Variants in TANC2 observed in about 807,000 individuals in gnomAD.
TANC2 encodes protein TANC2.
A neutral mutation model predicts 210.5 loss-of-function variants in TANC2; 26 were observed. The ratio of observed to expected loss-of-function variants is 0.12; its 90% CI spans 0.09 to 0.17. TANC2 has a LOEUF of 0.17. TANC2 is among the 10% of genes least tolerant of loss of function. The pLI is 1.00. For synonymous variants in TANC2, 931 were observed against 967.1 expected (o/e 0.96, Z 0.69); for missense variants, 2,129 against 2,608.9 (o/e 0.82, Z 4.01).
chr17:63,105,446 T>C (rs1439502285), intron 4 of TANC2, among the ~76,000 whole-genome samples: 1 of 151,750 alleles, frequency 6.6e-6, no homozygotes, highest in African/African-American at 2.4e-5. Context: ...CATAGTGTTA[T>C]TCTACATAGT....
At chr17:63,142,401 A>G (rs1170753230) in intron 4 of TANC2, among the ~76,000 whole-genome samples, 1 of 152,180 alleles carries the variant, frequency 6.6e-6, no homozygotes, top group Non-Finnish European at 1.5e-5. Flanking sequence ...TGTTATTAAT[A>G]TGCCCTTATA....
At chr17:63,120,398 A>C (rs191805435) in intron 4 of TANC2, among the ~76,000 whole-genome samples, 1 of 152,328 alleles carries the variant, frequency 6.6e-6, no homozygotes, top group African/African-American at 2.4e-5. Context: ...TAAAAATTCA[A>C]GTTGCAGATT....
chr17:63,411,448 A>T, intron 21 of TANC2, 63 bp from the exon 22 acceptor site: 1 of 1,497,114 alleles, frequency 6.7e-7, no homozygotes, highest in Non-Finnish European at 9.0e-7. Flanking sequence ...CCTTCAGCGT[A>T]CTTCCCCTCC....
At chr17:63,037,539 TG>T (rs938121053) in intron 2 of TANC2, among the ~76,000 whole-genome samples, 6 of 152,038 alleles carry the variant, frequency 3.9e-5, no homozygotes, top group African/African-American at 1.2e-4. Flanking sequence ...ATAGGCTGGG[TG>T]CGGTGGCTCA....
At chr17:63,210,133 T>G (rs2041839802) in intron 7 of TANC2, among the ~76,000 whole-genome samples, 1 of 152,236 alleles carries the variant, frequency 6.6e-6, no homozygotes, top group East Asian at 1.9e-4. Flanking sequence ...AAGGATTATG[T>G]TAGCCTTATA....
At chr17:63,391,209 T>C (rs2047962515) in intron 17 of TANC2, 1 of 152,190 alleles carries the variant, frequency 6.6e-6, no homozygotes, top group African/African-American at 2.4e-5. Flanking sequence ...TCCTCTCCCT[T>C]GCTAACCAGA....
intron 14 of TANC2, among the ~76,000 whole-genome samples, chr17:63,369,235 A>C (rs1355171221): frequency 6.6e-6 from 1 of 152,170 alleles, no homozygotes; most frequent in East Asian, 1.9e-4. Context: ...TTTTGCAAAC[A>C]CAAAGACCCC....
At chr17:63,354,145 G>A (rs1053584136) in intron 13 of TANC2, among the ~76,000 whole-genome samples, 9 of 152,064 alleles carry the variant, frequency 5.9e-5, no homozygotes, top group African/African-American at 2.2e-4. Flanking sequence ...AGAAAGGATG[G>A]AATCCAGTGC....
At chr17:63,044,441 T>A (rs973113680) in intron 2 of TANC2, among the ~76,000 whole-genome samples, 1 of 152,120 alleles carries the variant, frequency 6.6e-6, no homozygotes, top group African/African-American at 2.4e-5. Context: ...TTGTACAGTA[T>A]GTTTCTTTTA....
At chr17:63,212,899 T>A (rs1306360355) in intron 7 of TANC2, among the ~76,000 whole-genome samples, 1 of 152,264 alleles carries the variant, frequency 6.6e-6, no homozygotes, top group Non-Finnish European at 1.5e-5. Context: ...TTTCAACAAA[T>A]CTGTCAGCAT....
In TANC2 at chr17:63,337,426, T is replaced by C. The variant is rs560719418; in HGVS notation, c.1576-2675T>C. On this transcript the variant is annotated intron_variant, in intron 11 of 27. Transcript: ENST00000689528. Reference sequence around the variant, plus strand: ...CTTGTACCAAAAATCTTGAACTCTATTAATTCTAATAGCTTGTTTTTCTCT... The same window carrying C: ...CTTGTACCAAAAATCTTGAACTCTACTAATTCTAATAGCTTGTTTTTCTCT... Among the ~76,000 whole-genome samples the C allele has an allele frequency of 3.0e-4, 45 of 152,042 alleles. No homozygotes were observed. In the South Asian group the frequency reaches 9.3e-3, roughly 31 times the overall value.
chr17:63,022,853 A>T (rs1402265388), intron 2 of TANC2, among the ~76,000 whole-genome samples: 2 of 152,160 alleles, frequency 1.3e-5, no homozygotes, highest in African/African-American at 4.8e-5. Flanking sequence ...TCACCTCTCC[A>T]AAAGGTACAT....
At chr17:63,174,362 T>C (rs1250715929) in intron 5 of TANC2, among the ~76,000 whole-genome samples, 1 of 152,186 alleles carries the variant, frequency 6.6e-6, no homozygotes, top group Admixed American at 6.5e-5. Flanking sequence ...TGAAATCTGT[T>C]TCCTGGAATT....
At chr17:63,033,887 T>G (rs1022594981) in intron 2 of TANC2, among the ~76,000 whole-genome samples, 1 of 152,158 alleles carries the variant, frequency 6.6e-6, no homozygotes, top group African/African-American at 2.4e-5. Flanking sequence ...AACTATAAAG[T>G]CGAATTTACT....
chr17:63,094,228 G>A (rs1468475333), intron 3 of TANC2, among the ~76,000 whole-genome samples: 1 of 151,714 alleles, frequency 6.6e-6, no homozygotes, highest in Non-Finnish European at 1.5e-5. Context: ...TATACTCGTT[G>A]TTAAACTTCT....
chr17:63,417,205 A>G lies in TANC2; in HGVS notation c.4168-1102A>G, dbSNP rs114352857. ...ACCAGACGTCTGTCTTCTTAGGTAG[A>G]GGATTTCCCATCAACTTTTAAAAAA... On this transcript the variant is annotated intron_variant, in intron 26 of 27. Coordinates refer to ENST00000689528, the Ensembl canonical transcript of TANC2. 8.7e-3 allele frequency among the ~76,000 whole-genome samples: 1,322 copies of G among 152,286 alleles called. 24 individuals are homozygous for G. Among genetic ancestry groups the G allele is most frequent in the African/African-American group, 0.03 (1,242 of 41,562 alleles).
chr17:63,389,603 T>C (rs1176470784), intron 17 of TANC2, 59 bp downstream of exon 17: 2 of 1,425,448 alleles, frequency 1.4e-6, no homozygotes, highest in Non-Finnish European at 1.9e-6. Flanking sequence ...CGATGCATAC[T>C]CTTTCTTATC....
At chr17:63,406,057 A>G in intron 20 of TANC2, 97 bp from the exon 21 acceptor site, 2 of 1,483,532 alleles carry the variant, frequency 1.3e-6, no homozygotes, top group Non-Finnish European at 1.8e-6. Context: ...TGACTCGTAC[A>G]GCAGTAGGAA....
intron 4 of TANC2, among the ~76,000 whole-genome samples, chr17:63,136,677 A>G (rs776585843): frequency 2.6e-5 from 4 of 152,192 alleles, no homozygotes; most frequent in South Asian, 2.1e-4. Flanking sequence ...TCTTCCTACT[A>G]TGATGAATTT....
Sources: gnomAD v4.1 joint callset for allele counts (sites outside exome capture counted in the v4.1 genomes callset) on GRCh38, gnomAD v4.1.1 for gene constraint, MANE v1.5 for transcripts, NCBI Gene and HGNC (gene_info 2026-07-23, HGNC 2026-07-21) for gene names.